The following PARVB variants were observed in gnomAD, a reference collection of about 807,000 sequenced individuals.
The protein encoded by PARVB is parvin beta.
In PARVB, 46 loss-of-function variants were observed where a neutral mutation model predicts 47.0. The ratio of observed to expected loss-of-function variants is 0.98; its 90% CI spans 0.77 to 1.25. The LOEUF (loss-of-function observed/expected upper bound fraction) is 1.25. Among genes scored for constraint, PARVB ranks in the 50% most tolerant of loss-of-function variants. The pLI, the probability that PARVB is intolerant of heterozygous loss-of-function variation, is 0.00. For synonymous variants in PARVB, 196 were observed against 196.3 expected, an observed-to-expected ratio of 1.00 and a Z score of 0.01; for missense variants, 473 against 471.6, an observed-to-expected ratio of 1.00 and a Z score of -0.03.
rs866447667 is a variant in PARVB, at chr22:44,163,714, G to C, written c.946-144G>C. On this transcript the variant is annotated intron_variant, in intron 11 of 12. Coordinates refer to ENST00000338758, the MANE Select transcript of PARVB (RefSeq NM_013327.5). ...CCTCACCCGTGTCTGCCCACCCTGTGGCCCGCCCCGGGCTCACTGGGTCCT... is the reference window on the plus strand; with the variant it reads ...CCTCACCCGTGTCTGCCCACCCTGTCGCCCGCCCCGGGCTCACTGGGTCCT... The C allele has an allele frequency of 2.8e-5, 17 of 600,776 alleles. No homozygotes were observed. The Middle Eastern group carries it at 1.7e-3, about 60-fold the overall frequency. 37.2% of individuals were successfully genotyped at this position (600,776 alleles called of 1,614,324 possible).
chr22:44,014,366 CCA>C (rs2050555437), intron 2 of PARVB, among the ~76,000 whole-genome samples: 1 of 152,142 alleles, frequency 6.6e-6, no homozygotes, highest in South Asian at 2.1e-4. Flanking sequence ...TCTTCAGAAG[CCA>C]CAGTTCAAAA....
At chr22:44,146,212 A>G (rs759119292) in intron 8 of PARVB, 2 of 144,604 alleles carry the variant, frequency 1.4e-5, no homozygotes, top group Non-Finnish European at 3.0e-5. Context: ...ACACGCACAC[A>G]TGCTCACACA....
At chr22:44,118,605 C>CAATGCTT (rs1243730192) in intron 3 of PARVB, among the ~76,000 whole-genome samples, 1 of 152,144 alleles carries the variant, frequency 6.6e-6, no homozygotes, top group Non-Finnish European at 1.5e-5. Flanking sequence ...GCAGTATTAC[C>CAATGCTT]AATGCTTAAT....
chr22:44,041,907 A>G (rs1452014679), intron 1 of PARVB, among the ~76,000 whole-genome samples: 1 of 151,654 alleles, frequency 6.6e-6, no homozygotes, highest in African/African-American at 2.4e-5. Flanking sequence ...ATAAATAAAT[A>G]CATACATACA....
chr22:44,110,233 G>C (rs974510145), intron 3 of PARVB: 2 of 151,818 alleles, frequency 1.3e-5, no homozygotes, highest in African/African-American at 2.4e-5. Flanking sequence ...ACAAAACACA[G>C]GCCCCGCCTG....
intron 4 of PARVB, among the ~76,000 whole-genome samples, chr22:44,121,987 G>C (rs2053057624): frequency 6.6e-6 from 1 of 152,108 alleles, no homozygotes; most frequent in Non-Finnish European, 1.5e-5. Flanking sequence ...TCCACTAAGA[G>C]TATATAGTCA....
intron 4 of PARVB, chr22:44,119,965 T>C (rs2053006445): frequency 4.5e-6 from 2 of 441,220 alleles, no homozygotes; most frequent in Admixed American, 2.4e-5. Flanking sequence ...AGAGGAATTC[T>C]TGGACTTGTA....
Position 44,164,413 on chromosome 22 carries a change from C to CG in PARVB, c.1018+483_1018+484insG, listed in dbSNP as rs376317872. Among the ~76,000 whole-genome samples the CG allele has an allele frequency of 2.7e-4, 39 of 143,988 alleles. No homozygotes were observed. In the East Asian group the frequency reaches 6.7e-3, roughly 25 times the overall value. 94.5% of individuals were successfully genotyped at this position (143,988 alleles called of 152,430 possible). A position where few individuals can be genotyped will look rare whatever the true frequency, so the allele number is the denominator to read the frequency against. On this transcript the variant is annotated intron_variant, in intron 12 of 12. Transcript: ENST00000338758. ...GGGCGGGCGGTTGCTTCCCTGTCCC[C>CG]CCCCCGGCTCCTGTGCCAAGTTACC... is the stretch of plus-strand genomic sequence containing the variant.
intron 1 of PARVB, among the ~76,000 whole-genome samples, chr22:44,033,600 G>GTTT (rs2050862783): frequency 6.6e-6 from 1 of 152,166 alleles, no homozygotes; most frequent in Non-Finnish European, 1.5e-5. Context: ...GATGAGCTTG[G>GTTT]TTTTGGCCTT....
At chr22:44,126,962 A>G (rs2053198719) in intron 4 of PARVB, among the ~76,000 whole-genome samples, 1 of 152,190 alleles carries the variant, frequency 6.6e-6, no homozygotes, top group African/African-American at 2.4e-5. Context: ...GCAGAATTAC[A>G]GGGGCATCTT....
intron 6 of PARVB, among the ~76,000 whole-genome samples, chr22:44,135,416 G>T (rs964610149): frequency 6.6e-6 from 1 of 152,050 alleles, no homozygotes; most frequent in African/African-American, 2.4e-5. Flanking sequence ...ATGCCACCAC[G>T]CCCAGCTAAT....
intron 9 of PARVB, 91 bp from the exon 10 acceptor site, chr22:44,151,392 A>G (rs1282536756): frequency 2.2e-6 from 2 of 917,466 alleles, no homozygotes; most frequent in African/African-American, 1.6e-5. Context: ...CGTTTCACAG[A>G]GCTGGGGCTG....
rs138628538 is a variant in PARVB, at chr22:44,068,843, C to T, written c.113-25085C>T. ...TCTTCAGTCAGCCCAGGGGCCTGGGCGCGCCCTTCCTTCCTTCTTTGTGCA... is the reference window on the plus strand; with the variant it reads ...TCTTCAGTCAGCCCAGGGGCCTGGGTGCGCCCTTCCTTCCTTCTTTGTGCA... On this transcript the variant is annotated intron_variant, in intron 1 of 12. Coordinates refer to ENST00000338758, the MANE Select transcript of PARVB (RefSeq NM_013327.5). This position sits in a 1 kb window ranked among gnomAD's most constrained non-coding sequence, Gnocchi z 4.1. Among the ~76,000 whole-genome samples, 163 of 152,294 alleles carry T rather than the reference C, an allele frequency of 1.1e-3. 1 individual carries two copies. Among genetic ancestry groups the T allele is most frequent in the African/African-American group, 3.9e-3 (160 of 41,558 alleles).
At chr22:44,025,652 G>A (rs1019157666) in intron 1 of PARVB, among the ~76,000 whole-genome samples, 8 of 152,150 alleles carry the variant, frequency 5.3e-5, no homozygotes, top group Non-Finnish European at 1.0e-4. Flanking sequence ...TTACACTGGA[G>A]GACCCACTGT....
At position 44,080,221 on chromosome 22, in the gene PARVB, G is replaced by A. The variant is rs192620313; in HGVS notation, c.113-13707G>A. ...CGTGGAGTTGCTGGGGCTCTCTTGA[G>A]GCTGTTAATTTACTTAGGGCTGCTG... On this transcript the variant is annotated intron_variant, in intron 1 of 12. Coordinates refer to ENST00000338758, the MANE Select transcript of PARVB (RefSeq NM_013327.5). 1.4e-4 allele frequency among the ~76,000 whole-genome samples: 22 copies of A among 152,326 alleles called. 1 individual carries two copies. Among genetic ancestry groups the A allele is most frequent in the Admixed American group, 1.4e-3 (21 of 15,300 alleles).
rs183312659 is a variant in PARVB at position 44,099,447 on chromosome 22, G to A, written c.203-606G>A. Among the ~76,000 whole-genome samples the A allele has an allele frequency of 1.1e-3, 174 of 152,318 alleles. 1 individual carries two copies. Among genetic ancestry groups the A allele is most frequent in the African/African-American group, 4.1e-3 (169 of 41,558 alleles). On this transcript the variant is annotated intron_variant, in intron 2 of 12. Coordinates refer to ENST00000338758, the MANE Select transcript of PARVB (RefSeq NM_013327.5). Reference sequence around the variant, plus strand: ...GTGTCTGTGGGATCCAGGCTGAAACGTGGAGGGAAAGCAAACAGGTAGAGA... The same window carrying A: ...GTGTCTGTGGGATCCAGGCTGAAACATGGAGGGAAAGCAAACAGGTAGAGA...
intron 1 of PARVB, among the ~76,000 whole-genome samples, chr22:44,059,202 C>T (rs1387509082): frequency 6.6e-6 from 1 of 152,128 alleles, no homozygotes; most frequent in Non-Finnish European, 1.5e-5. Context: ...TCCGCCACCA[C>T]ACCCAGCTAA....
intron 1 of PARVB, among the ~76,000 whole-genome samples, chr22:44,076,617 G>T (rs769733998): frequency 1.1e-4 from 17 of 152,216 alleles, no homozygotes; most frequent in Non-Finnish European, 1.9e-4. Context: ...ATGCCTCGTG[G>T]TGCAGGGAGC....
intron 2 of PARVB, among the ~76,000 whole-genome samples, chr22:44,094,989 G>A (rs1326155581): frequency 6.6e-6 from 1 of 151,470 alleles, no homozygotes; most frequent in Non-Finnish European, 1.5e-5. Flanking sequence ...TGTCCCCAGG[G>A]CCAGGGGAGA....
Sources: gnomAD v4.1 joint callset for allele counts (sites outside exome capture counted in the v4.1 genomes callset) on GRCh38, gnomAD v4.1.1 for gene constraint, Gnocchi (gnomAD v3.1) non-coding constraint, MANE v1.5 for transcripts, NCBI Gene and HGNC (gene_info 2026-07-23, HGNC 2026-07-21) for gene names.